The following ERGIC3 variants were observed in gnomAD, a reference collection of about 807,000 sequenced individuals.
ERGIC3 encodes the protein endoplasmic reticulum-Golgi intermediate compartment protein 3.
Under a neutral mutation model 54.7 loss-of-function variants are expected in ERGIC3, and 33 were observed. The observed-to-expected ratio is 0.60, with a 90% CI of 0.46 to 0.81. ERGIC3 has a LOEUF of 0.81. Ranked by LOEUF, ERGIC3 falls within the 30% of genes least tolerant of loss-of-function variation. The pLI is 0.00. For synonymous variants in ERGIC3, 186 were observed against 189.8 expected, an observed-to-expected ratio of 0.98 and a Z score of 0.16; for missense variants, 399 against 488.4, an observed-to-expected ratio of 0.82 and a Z score of 1.73.
intron 7 of ERGIC3, chr20:35,554,434 G>A (rs1409167839): frequency 1.2e-6 from 2 of 1,611,798 alleles, no homozygotes; most frequent in Admixed American, 1.7e-5. Flanking sequence ...TTCTGGGGCA[G>A]CCTGCCCTAC....
In ERGIC3 at chr20:35,548,499, T is replaced by G; in HGVS notation, c.462-10T>G. On this transcript the variant is annotated splice_polypyrimidine_tract_variant and intron_variant, in intron 5 of 12. Coordinates refer to ENST00000348547, the MANE Select transcript of ERGIC3 (RefSeq NM_015966.3). ...CTTTAACACTCTCACCGTCACTCCC[T>G]GCCCTACAGGTGCTGTAACACCTGT... is the stretch of plus-strand genomic sequence containing the variant. The G allele has an allele frequency of 1.2e-6, 2 of 1,613,712 alleles. No homozygotes were observed. The highest frequency in any genetic ancestry group is 1.7e-6 in the Non-Finnish European group (2 of 1,179,928).
chr20:35,542,249 G>A, intron 1 of ERGIC3, 64 bp downstream of exon 1: 1 of 1,611,322 alleles, frequency 6.2e-7, no homozygotes, highest in South Asian at 1.1e-5. Context: ...CCGGGCTCCT[G>A]GACTCTGACT....
chr20:35,542,192 C>T lies in ERGIC3; in HGVS notation c.88+7C>T. 6.3e-7 allele frequency: 1 copy of T among 1,580,560 alleles called. No individual in the cohort carries two copies. Among genetic ancestry groups the T allele is most frequent in the Non-Finnish European group, 8.6e-7 (1 of 1,162,328 alleles). On this transcript the variant is annotated splice_region_variant and intron_variant, in intron 1 of 12. Coordinates refer to ENST00000348547, the MANE Select transcript of ERGIC3 (RefSeq NM_015966.3). The stretch of plus-strand genomic sequence containing the variant: ...ACCTGCGGGGGCGCCACCGGTAGGC[C>T]GCAGCGGGGCCGGGGTCGCGTGGAG...
At chr20:35,552,478 G>A (rs1568871781) in intron 7 of ERGIC3, among the ~76,000 whole-genome samples, 1 of 152,204 alleles carries the variant, frequency 6.6e-6, no homozygotes, top group East Asian at 1.9e-4. Flanking sequence ...ATGGGGTTTG[G>A]TGTTGCCAGG....
At chr20:35,544,629 A>G (rs2064637745) in intron 4 of ERGIC3, 2 of 237,226 alleles carry the variant, frequency 8.4e-6, no homozygotes, top group Middle Eastern at 1.7e-3. Flanking sequence ...CATGTCCCAC[A>G]TGAATTTGGT....
chr20:35,555,115 G>T, intron 8 of ERGIC3, 40 bp downstream of exon 8: 1 of 1,609,100 alleles, frequency 6.2e-7, no homozygotes, highest in Non-Finnish European at 8.5e-7. Context: ...AGGTGGGGGT[G>T]GGAGGCTTGG....
At chr20:35,542,487 G>T (rs774201136) in intron 2 of ERGIC3, 26 bp from the exon 3 acceptor site, 1 of 1,613,964 alleles carries the variant, frequency 6.2e-7, no homozygotes, top group East Asian at 2.2e-5. Flanking sequence ...TTGGGGCTAA[G>T]TCTTACTGAG....
At chr20:35,556,171 C>G (rs201231509) in intron 9 of ERGIC3, 36 bp from the exon 10 acceptor site, 17 of 1,613,966 alleles carry the variant, frequency 1.1e-5, no homozygotes, top group East Asian at 2.2e-5. Context: ...GAAGGCCGGC[C>G]GGGCACCCAT....
At chr20:35,548,898 A>C (rs755737719) in intron 7 of ERGIC3, 33 bp downstream of exon 7, 2 of 1,612,356 alleles carry the variant, frequency 1.2e-6, no homozygotes, top group African/African-American at 2.7e-5. Flanking sequence ...GGAGATTTAG[A>C]TGCTGGCCAC....
Position 35,557,088 on chromosome 20 carries a change from TGAAGCTGACGGA to T in ERGIC3, c.1001_1012del (p.Leu334_Lys337del). ...CTCTATGAGCTCTCGCCCATGATGGTGAAGCTGACGGAGAAGCACAGGTGAGGATGGGGGCAA... is the reference window on the plus strand; with the variant it reads ...CTCTATGAGCTCTCGCCCATGATGGTGAAGCACAGGTGAGGATGGGGGCAA... On this transcript the variant is annotated inframe_deletion, in exon 11 of 13. Transcript: ENST00000348547. 6.2e-7 allele frequency: 1 copy of T among 1,614,186 alleles called. No individual in the cohort carries two copies. The highest frequency in any genetic ancestry group is 8.5e-7 in the Non-Finnish European group (1 of 1,180,022).
At chr20:35,557,139 G>A in intron 11 of ERGIC3, 30 bp downstream of exon 11, 10 of 1,614,194 alleles carry the variant, frequency 6.2e-6, no homozygotes, top group Non-Finnish European at 8.5e-6. Flanking sequence ...GGCCTCTGGG[G>A]GCCTGGGCCT....
intron 8 of ERGIC3, 135 bp from the exon 9 acceptor site, chr20:35,555,898 T>G: frequency 1.4e-6 from 1 of 729,146 alleles, no homozygotes; most frequent in Non-Finnish European, 2.3e-6. Flanking sequence ...GAATGGGGGA[T>G]TCTTATCTCG....
chr20:35,542,258 C>T, intron 1 of ERGIC3, 65 bp from the exon 2 acceptor site: 4 of 1,612,024 alleles, frequency 2.5e-6, no homozygotes, highest in Non-Finnish European at 3.4e-6. Flanking sequence ...TGGACTCTGA[C>T]TGGCCTGCCG....
rs1248051880 is a variant in ERGIC3 at position 35,550,353 on chromosome 20, T to C, written c.685+1488T>C. Among the ~76,000 whole-genome samples, 3 of 152,040 alleles carry C rather than the reference T, an allele frequency of 2.0e-5. No homozygotes were observed. In the East Asian group the frequency reaches 5.8e-4, roughly 29 times the overall value. Reference sequence around the variant, plus strand: ...GAGAGAGGCCGGGTGCAGTAGCTCATACCTGTAATCCCAGCACTTTGGGAG... The same window carrying C: ...GAGAGAGGCCGGGTGCAGTAGCTCACACCTGTAATCCCAGCACTTTGGGAG... On this transcript the variant is annotated intron_variant, in intron 7 of 12. Transcript: ENST00000348547.
chr20:35,542,096 C>A lies in ERGIC3; in HGVS notation c.-2C>A. Reference sequence around the variant, plus strand: ...CTGGCGTCCCCTTTCCGGCCGGTCCCCATGGAGGCGCTGGGGAAGCTGAAG... The same window carrying A: ...CTGGCGTCCCCTTTCCGGCCGGTCCACATGGAGGCGCTGGGGAAGCTGAAG... On this transcript the variant is annotated 5_prime_UTR_variant, in exon 1 of 13. Coordinates refer to ENST00000348547, the MANE Select transcript of ERGIC3 (RefSeq NM_015966.3). The A allele has an allele frequency of 6.5e-7, 1 of 1,542,518 alleles. No homozygotes were observed. The highest frequency in any genetic ancestry group is 8.7e-7 in the Non-Finnish European group (1 of 1,145,740).
At chr20:35,542,665 C>T in intron 3 of ERGIC3, 65 bp downstream of exon 3, 1 of 1,602,188 alleles carries the variant, frequency 6.2e-7, no homozygotes, top group Non-Finnish European at 8.5e-7. Context: ...GCCAGATTCA[C>T]ACCTCCACCC....
chr20:35,542,647 T>C (rs2064621816), intron 3 of ERGIC3, 47 bp downstream of exon 3: 4 of 1,609,244 alleles, frequency 2.5e-6, no homozygotes, highest in Non-Finnish European at 3.4e-6. Context: ...AGGGTTCTCA[T>C]GTGGGCTGCC....
In ERGIC3 at chr20:35,556,074, G is replaced by C; in HGVS notation, c.759G>C (p.Glu253Asp). 6.2e-7 allele frequency: 1 copy of C among 1,614,174 alleles called. No homozygotes were observed. The highest frequency in any genetic ancestry group is 8.5e-7 in the Non-Finnish European group (1 of 1,180,036). Residue 253 changes from glutamate (E) to aspartate (D), a missense_variant, in exon 9 of 13, where the codon GAG becomes GAC. Transcript: ENST00000348547. ...ACATCCAGCACCTGTCATTTGGGGAGGACTATCCAGGCATTGTGAACCCCC... is the reference window on the plus strand; with the variant it reads ...ACATCCAGCACCTGTCATTTGGGGACGACTATCCAGGCATTGTGAACCCCC... ...THYIQHLSFG[E>D]DYPGIVNPLD...
chr20:35,543,874 A>C, intron 4 of ERGIC3: 1 of 346,770 alleles, frequency 2.9e-6, no homozygotes, highest in Non-Finnish European at 5.9e-6. Context: ...TCCAAAAGTT[A>C]GTAGTTTGAT....
Sources: allele counts gnomAD v4.1 joint callset (sites outside exome capture counted in the v4.1 genomes callset), GRCh38; gene constraint gnomAD v4.1.1; transcripts MANE v1.5; gene names NCBI Gene and HGNC (gene_info 2026-07-23, HGNC 2026-07-21).